The following TMEM70 variants were observed in gnomAD, a reference collection of about 807,000 sequenced individuals.
TMEM70 encodes the protein transmembrane protein 70.
Under a neutral mutation model 20.5 loss-of-function variants are expected in TMEM70, and 15 were observed. That is an observed-to-expected ratio of 0.73 (90% confidence interval 0.49 to 1.13). The LOEUF (loss-of-function observed/expected upper bound fraction) is 1.13, where lower values mean the gene tolerates loss of function less well. TMEM70 is among the 50% of genes most tolerant of loss of function. The probability of loss-of-function intolerance (pLI) is 0.00; values close to 1 mark genes in which losing one functional copy is unlikely to be tolerated. For missense variants in TMEM70, 344 were observed against 331.7 expected (o/e 1.04, Z -0.29); for synonymous variants, 141 against 134.2 (o/e 1.05, Z -0.35).
rs1815711703 is a variant in TMEM70, at chr8:73,978,637, G to T, written c.211-119G>T. On this transcript the variant is annotated intron_variant, in intron 1 of 2. Coordinates refer to ENST00000312184, the MANE Select transcript of TMEM70 (RefSeq NM_017866.6). Reference sequence around the variant, plus strand: ...CCCGGGAAGCAGAGGTTGCAATGGTGAGCTGAGATCGCACCACTGCCCTCC... The same window carrying T: ...CCCGGGAAGCAGAGGTTGCAATGGTTAGCTGAGATCGCACCACTGCCCTCC... 9.9e-6 allele frequency: 10 copies of T among 1,009,620 alleles called. No individual in the cohort carries two copies. In the African/African-American group the frequency reaches 1.3e-4, roughly 13 times the overall value. 62.5% of individuals were successfully genotyped at this position (1,009,620 alleles called of 1,614,324 possible).
intron 1 of TMEM70, among the ~76,000 whole-genome samples, chr8:73,977,149 C>G (rs1815670403): frequency 1.3e-5 from 2 of 152,138 alleles, no homozygotes; most frequent in Admixed American, 6.5e-5. Flanking sequence ...CGCTTCTGTT[C>G]CCTTGAAATT....
At position 73,982,746 on chromosome 8, in the gene TMEM70, G is replaced by A. The variant is rs769191481; in HGVS notation, c.*1125G>A. On this transcript the variant is annotated 3_prime_UTR_variant, in exon 3 of 3. Coordinates refer to ENST00000312184, the MANE Select transcript of TMEM70 (RefSeq NM_017866.6). Reference sequence around the variant, plus strand: ...CTCCTCCCTTGGTGGCACCCTATGGGTGTAGGAAAACCACTGTTATTAAAC... The same window carrying A: ...CTCCTCCCTTGGTGGCACCCTATGGATGTAGGAAAACCACTGTTATTAAAC... 1.8e-5 allele frequency: 8 copies of A among 454,444 alleles called. No homozygotes were observed. The highest frequency in any genetic ancestry group is 3.1e-5 in the Non-Finnish European group (7 of 227,052). The allele number at this position is 454,444 out of a possible 1,614,324, so 28.2% of individuals were successfully genotyped here.
At position 73,981,339 on chromosome 8, in the gene TMEM70, C is replaced by G. The variant is rs1024286243; in HGVS notation, c.501C>G (p.Val167=). 5.6e-6 allele frequency: 9 copies of G among 1,614,074 alleles called. No individual in the cohort carries two copies. Among genetic ancestry groups the G allele is most frequent in the African/African-American group, 2.7e-5 (2 of 74,916 alleles). ...VLLHFITKGY[V]IRLYHEATTD... is the part of the protein sequence containing the mutation. ...TTCACTTTATTACAAAAGGCTATGT[C>G]ATTCGATTGTACCATGAGGCCACAA... Residue 167 remains valine, a synonymous_variant, in exon 3 of 3, where the codon GTC becomes GTG. Transcript: ENST00000312184.
intron 2 of TMEM70, among the ~76,000 whole-genome samples, chr8:73,979,961 C>T (rs1369672708): frequency 6.6e-6 from 1 of 152,212 alleles, no homozygotes; most frequent in African/African-American, 2.4e-5. Flanking sequence ...TCAAGCAGTC[C>T]TTCTGCCTAC....
intron 2 of TMEM70, among the ~76,000 whole-genome samples, chr8:73,979,482 C>T (rs775356241): frequency 1.3e-5 from 2 of 151,774 alleles, no homozygotes; most frequent in African/African-American, 2.4e-5. Flanking sequence ...TTATTAGGAT[C>T]GTATTAAAAT....
At chr8:73,979,035 T>C (rs1395757547) in intron 2 of TMEM70, 174 bp downstream of exon 2, 1 of 776,986 alleles carries the variant, frequency 1.3e-6, no homozygotes, top group African/African-American at 1.7e-5. Context: ...GACCTTTGCA[T>C]TTTTAGATTT....
chr8:73,976,419 G>C lies in TMEM70; in HGVS notation c.138G>C (p.Ser46=). 4 of 1,577,810 alleles carry C rather than the reference G, an allele frequency of 2.5e-6. No homozygotes were observed. The highest frequency in any genetic ancestry group is 3.4e-6 in the Non-Finnish European group (4 of 1,169,650). ...GGGCGTCCTCCAGCAGCGGGCCTTCGGGGCCGGTAGCCGGCTGGAGTACGG... is the reference window on the plus strand; with the variant it reads ...GGGCGTCCTCCAGCAGCGGGCCTTCCGGGCCGGTAGCCGGCTGGAGTACGG... ...VSRASSSSGP[S]GPVAGWSTGP... Residue 46 remains serine, a synonymous_variant, in exon 1 of 3, where the codon TCG becomes TCC. Transcript: ENST00000312184.
In TMEM70 at chr8:73,982,026, A is replaced by T; in HGVS notation, c.*405A>T. The T allele has an allele frequency of 2.1e-6, 1 of 465,552 alleles. No homozygotes were observed. The highest frequency in any genetic ancestry group is 1.5e-5 in the South Asian group (1 of 64,764). 28.8% of individuals were successfully genotyped at this position (465,552 alleles called of 1,614,324 possible). On this transcript the variant is annotated 3_prime_UTR_variant, in exon 3 of 3. Coordinates refer to ENST00000312184, the MANE Select transcript of TMEM70 (RefSeq NM_017866.6). ...GAAGACACAGTCATAGGTGGTGCGG[A>T]GCTGTGGTCCACCTGCTCCTGCTCC...
chr8:73,981,193 C>G lies in TMEM70; in HGVS notation c.355C>G (p.Leu119Val), dbSNP rs750724817. ...CTCTTATTCTACGAGTCTGATTGGC[C>G]TTACATTTCTGCCATACATTTTTAC... ...CFSYSTSLIG[L>V]TFLPYIFTQN... Residue 119 changes from leucine to valine, a missense_variant, in exon 3 of 3, where the codon CTT becomes GTT. By Grantham distance (32) the Leu-to-Val change is conservative. Coordinates refer to ENST00000312184, the MANE Select transcript of TMEM70 (RefSeq NM_017866.6). The G allele has an allele frequency of 6.8e-6, 11 of 1,614,016 alleles. No individual in the cohort carries two copies. The highest frequency in any genetic ancestry group is 8.5e-6 in the Non-Finnish European group (10 of 1,180,000).
chr8:73,980,397 C>T (rs1463331771), intron 2 of TMEM70, among the ~76,000 whole-genome samples: 2 of 149,890 alleles, frequency 1.3e-5, no homozygotes, highest in African/African-American at 4.9e-5. Context: ...GAGATGGAGT[C>T]TCGCTTTGTC....
At chr8:73,980,773 A>T (rs1471941767) in intron 2 of TMEM70, among the ~76,000 whole-genome samples, 1 of 152,224 alleles carries the variant, frequency 6.6e-6, no homozygotes, top group Non-Finnish European at 1.5e-5. Flanking sequence ...ATTTTATGTT[A>T]GATATACTGG....
chr8:73,976,403 C>G lies in TMEM70; in HGVS notation c.122C>G (p.Ser41Cys). The change falls in exon 1 of 3, where the codon TCC becomes TGC. Residue 41 changes from serine (S) to cysteine (C), a missense_variant. Transcript: ENST00000312184. ...CGGGCCTCTGTCTCCCGGGCGTCCTCCAGCAGCGGGCCTTCGGGGCCGGTA... is the reference window on the plus strand; with the variant it reads ...CGGGCCTCTGTCTCCCGGGCGTCCTGCAGCAGCGGGCCTTCGGGGCCGGTA... The part of the protein sequence containing the change: ...GPRASVSRAS[S>C]SSGPSGPVAG... 6.3e-7 allele frequency: 1 copy of G among 1,587,002 alleles called. No individual in the cohort carries two copies. Among genetic ancestry groups the G allele is most frequent in the Non-Finnish European group, 8.5e-7 (1 of 1,174,222 alleles).
rs747530725 is a variant in TMEM70 at position 73,982,360 on chromosome 8, G to A, written c.*739G>A. 5.6e-6 allele frequency: 4 copies of A among 716,044 alleles called. No homozygotes were observed. Among genetic ancestry groups the A allele is most frequent in the South Asian group, 4.0e-5 (3 of 74,636 alleles). The allele number at this position is 716,044 out of a possible 1,614,324, so 44.4% of individuals were successfully genotyped here. A position where few individuals can be genotyped will look rare whatever the true frequency, so the allele number is the denominator to read the frequency against. On this transcript the variant is annotated 3_prime_UTR_variant, in exon 3 of 3. Coordinates refer to ENST00000312184, the MANE Select transcript of TMEM70 (RefSeq NM_017866.6). ...GTTCTAAGGCATGGGATCGTTTCCA[G>A]ATGAGAATCCACAAGCGACTCATTG...
At position 73,981,871 on chromosome 8, in the gene TMEM70, G is replaced by T; in HGVS notation, c.*250G>T. On this transcript the variant is annotated 3_prime_UTR_variant, in exon 3 of 3. Coordinates refer to ENST00000312184, the MANE Select transcript of TMEM70 (RefSeq NM_017866.6). ...GTTCATGCTAGTATAAGAGTTCTGT[G>T]TTACTGTGGTTGACTCTAAACTGGG... 1 of 589,446 alleles carries T rather than the reference G, an allele frequency of 1.7e-6. No homozygotes were observed. Among genetic ancestry groups the T allele is most frequent in the East Asian group, 3.7e-5 (1 of 26,978 alleles). 36.5% of individuals were successfully genotyped at this position (589,446 alleles called of 1,614,324 possible). A position where few individuals can be genotyped will look rare whatever the true frequency, so the allele number is the denominator to read the frequency against.
rs1428244924 is a variant in TMEM70, at chr8:73,976,461, G to C, written c.180G>C (p.Ala60=). The C allele has an allele frequency of 6.5e-7, 1 of 1,549,716 alleles. No individual in the cohort carries two copies. The highest frequency in any genetic ancestry group is 1.9e-5 in the Admixed American group (1 of 51,984). Residue 60 remains alanine (A), a synonymous_variant, in exon 1 of 3, where the codon GCG becomes GCC. Transcript: ENST00000312184. ...AGWSTGPSGA[A]RLLRRPGRAQ... ...GGAGTACGGGGCCTTCGGGAGCCGC[G>C]CGCCTTCTCCGGCGTCCGGGTCGAG...
chr8:73,982,471 T>C lies in TMEM70; in HGVS notation c.*850T>C. The C allele has an allele frequency of 2.7e-6, 2 of 742,644 alleles. No individual in the cohort carries two copies. The highest frequency in any genetic ancestry group is 4.7e-6 in the Non-Finnish European group (2 of 426,940). 46.0% of individuals were successfully genotyped at this position (742,644 alleles called of 1,614,324 possible). On this transcript the variant is annotated 3_prime_UTR_variant, in exon 3 of 3. Transcript: ENST00000312184. ...AGATGGAAGTCACCATTGCAAATGC[T>C]TAAGTCAACTGTTTTCATAAATTGA...
intron 2 of TMEM70, among the ~76,000 whole-genome samples, chr8:73,979,645 C>T (rs1815740859): frequency 6.6e-6 from 1 of 151,790 alleles, no homozygotes; most frequent in African/African-American, 2.4e-5. Context: ...GGGTCTCTGT[C>T]ATCTAGGCTG....
In TMEM70 at chr8:73,982,643, T is replaced by G. The variant is rs1262350553; in HGVS notation, c.*1022T>G. The G allele has an allele frequency of 2.1e-6, 1 of 470,894 alleles. No homozygotes were observed. The highest frequency in any genetic ancestry group is 2.3e-5 in the Admixed American group (1 of 43,274). The allele number at this position is 470,894 out of a possible 1,614,324, so 29.2% of individuals were successfully genotyped here. ...TGCCCATAAGAACATACATGTACAG[T>G]TGAACTGGTGGTTAGCTATACGGGA... On this transcript the variant is annotated 3_prime_UTR_variant, in exon 3 of 3. Transcript: ENST00000312184.
chr8:73,982,573 T>G lies in TMEM70; in HGVS notation c.*952T>G, dbSNP rs373708692. 67 of 495,048 alleles carry G rather than the reference T, an allele frequency of 1.4e-4. No homozygotes were observed. Among genetic ancestry groups the G allele is most frequent in the Admixed American group, 4.3e-4 (19 of 44,240 alleles). The allele number at this position is 495,048 out of a possible 1,614,324, so 30.7% of individuals were successfully genotyped here. ...CAAATTATGGGAGCAGTTTTAAGTC[T>G]TCTTTGGTTCAGAACACAGGTTTTT... On this transcript the variant is annotated 3_prime_UTR_variant, in exon 3 of 3. Coordinates refer to ENST00000312184, the MANE Select transcript of TMEM70 (RefSeq NM_017866.6).
Sources: gnomAD v4.1 joint callset for allele counts (sites outside exome capture counted in the v4.1 genomes callset) on GRCh38, gnomAD v4.1.1 for gene constraint, MANE v1.5 for transcripts, NCBI Gene and HGNC (gene_info 2026-07-23, HGNC 2026-07-21) for gene names.